Variants in CLCNKA observed in about 807,000 individuals in gnomAD.
CLCNKA encodes chloride voltage-gated channel Ka.
CLCNKA carries 66 observed loss-of-function variants against 83.3 expected under a neutral mutation model. The ratio of observed to expected loss-of-function variants is 0.79; its 90% CI spans 0.65 to 0.97. The LOEUF (loss-of-function observed/expected upper bound fraction) is 0.97. Ranked by LOEUF, CLCNKA falls within the 50% of genes least tolerant of loss-of-function variation. The pLI is 0.00. For missense variants in CLCNKA, 806 were observed against 888.7 expected, an observed-to-expected ratio of 0.91 and a Z score of 1.18; for synonymous variants, 357 against 370.4, an observed-to-expected ratio of 0.96 and a Z score of 0.42.
At position 16,030,572 on chromosome 1, in the gene CLCNKA, C is replaced by T; in HGVS notation, c.1520C>T (p.Ala507Val). ...HALPVLMAVL[A>V]ANAIAQSCQP... ...CTGCCCGTGCTGATGGCGGTGCTGG[C>T]AGCCAACGCCATTGCACAGAGCTGC... The change falls in exon 15 of 20, where the codon GCA becomes GTA. Residue 507 changes from alanine (A) to valine (V), a missense_variant. By Grantham distance (64) the Ala-to-Val change is moderately conservative. Coordinates refer to ENST00000331433, the MANE Select transcript of CLCNKA (RefSeq NM_004070.4). The T allele has an allele frequency of 1.9e-6, 3 of 1,613,080 alleles. No homozygotes were observed. The highest frequency in any genetic ancestry group is 2.5e-6 in the Non-Finnish European group (3 of 1,180,042).
At chr1:16,029,904 G>A (rs2124047522) in intron 13 of CLCNKA, 61 bp from the exon 14 acceptor site, 1 of 1,599,718 alleles carries the variant, frequency 6.3e-7, no homozygotes, top group South Asian at 1.1e-5. Context: ...TGGTCCTCAG[G>A]GATGGAGGGC....
Position 16,030,580 on chromosome 1 carries a change from G to A in CLCNKA, c.1528G>A (p.Ala510Thr), listed in dbSNP as rs376438381. 21 of 1,613,024 alleles carry A rather than the reference G, an allele frequency of 1.3e-5. No individual in the cohort carries two copies. The African/African-American group carries it at 2.1e-4, about 16-fold the overall frequency. Residue 510 changes from alanine to threonine, a missense_variant, in exon 15 of 20, where the codon GCC becomes ACC. By Grantham distance (58) the Ala-to-Thr change is moderately conservative (BLOSUM62 0). Transcript: ENST00000331433. ...PVLMAVLAAN[A>T]IAQSCQPSFY... ...GCTGATGGCGGTGCTGGCAGCCAAC[G>A]CCATTGCACAGAGCTGCCAGCCCTC...
At chr1:16,031,370 AT>A (rs1173544905) in intron 15 of CLCNKA, among the ~76,000 whole-genome samples, 1 of 152,156 alleles carries the variant, frequency 6.6e-6, no homozygotes, top group Non-Finnish European at 1.5e-5. Flanking sequence ...CTCATTATTC[AT>A]TAATGGATGG....
In CLCNKA at chr1:16,032,527, G is replaced by A. The variant is rs765691155; in HGVS notation, c.1929+1G>A. ...ATTCTCAGAGACCACCTTGCACCAGGTAACAAGTATTGGGGAGTGTGACAC... is the reference window on the plus strand; with the variant it reads ...ATTCTCAGAGACCACCTTGCACCAGATAACAAGTATTGGGGAGTGTGACAC... On this transcript the variant is annotated splice_donor_variant, in intron 18 of 19. Transcript: ENST00000331433. LOFTEE classifies it high-confidence loss of function. The A allele has an allele frequency of 1.2e-6, 2 of 1,611,268 alleles. No homozygotes were observed. Among genetic ancestry groups the A allele is most frequent in the East Asian group, 2.2e-5 (1 of 44,860 alleles).
chr1:16,029,535 A>G (rs1208911630), intron 12 of CLCNKA, among the ~76,000 whole-genome samples, 196 bp from the exon 13 acceptor site: 1 of 152,158 alleles, frequency 6.6e-6, no homozygotes, highest in Non-Finnish European at 1.5e-5. Context: ...AAAGGAATGT[A>G]CCTGGCACAG....
rs376284926 is a variant in CLCNKA at position 16,028,866 on chromosome 1, G to A, written c.1053+21G>A. 24 of 1,612,042 alleles carry A rather than the reference G, an allele frequency of 1.5e-5. No individual in the cohort carries two copies. The African/African-American group carries it at 2.8e-4, about 19-fold the overall frequency. ...CTCGGGTAAGGGGTCCTGAGCGGGG[G>A]TGGCAGGAGTGGGAACCCCCATTTG... On this transcript the variant is annotated intron_variant, in intron 11 of 19. Transcript: ENST00000331433.
At chr1:16,022,889 T>G (rs1333870638) in intron 2 of CLCNKA, among the ~76,000 whole-genome samples, 170 bp downstream of exon 2, 2 of 152,246 alleles carry the variant, frequency 1.3e-5, no homozygotes, top group Non-Finnish European at 2.9e-5. Context: ...TCTGTCCAGC[T>G]GTCTGTGGGT....
At chr1:16,026,077 C>A (rs546556665) in intron 4 of CLCNKA, 31 bp from the exon 5 acceptor site, 1 of 1,612,020 alleles carries the variant, frequency 6.2e-7, no homozygotes, top group African/African-American at 1.3e-5. Context: ...TAGAGATTGT[C>A]CCCTGCTTGT....
At chr1:16,030,742 G>T (rs2022590560) in intron 15 of CLCNKA, 68 bp downstream of exon 15, 1 of 1,597,936 alleles carries the variant, frequency 6.3e-7, no homozygotes, top group African/African-American at 1.3e-5. Context: ...GGGGTGGAGG[G>T]CACCTCCAAA....
intron 10 of CLCNKA, among the ~76,000 whole-genome samples, chr1:16,028,390 T>C (rs2022470974): frequency 6.8e-6 from 1 of 147,548 alleles, no homozygotes; most frequent in African/African-American, 2.5e-5. Flanking sequence ...CCTGTGCCCC[T>C]TCAAACCTTG....
intron 13 of CLCNKA, 50 bp downstream of exon 13, chr1:16,029,850 G>C: frequency 6.2e-7 from 1 of 1,611,456 alleles, no homozygotes; most frequent in African/African-American, 1.3e-5. Context: ...CTTGGGGCAG[G>C]GCCATGCATC....
At position 16,027,861 on chromosome 1, in the gene CLCNKA, C is replaced by A; in HGVS notation, c.822C>A (p.Asp274Glu). The A allele has an allele frequency of 6.2e-6, 10 of 1,613,196 alleles. No individual in the cohort carries two copies. The highest frequency in any genetic ancestry group is 3.3e-5 in the South Asian group (3 of 91,038). The change falls in exon 9 of 20, where the codon GAC becomes GAA. Residue 274 changes from aspartate to glutamate, a missense_variant. Transcript: ENST00000331433. ...TSLYKTSFRV[D>E]VPFDLPEIFF... ...TCTACAAGACCAGTTTCCGGGTGGA[C>A]GTTCCCTTCGACCTGCCTGAGATCT...
chr1:16,028,997 C>A (rs2022500110), intron 11 of CLCNKA, 129 bp from the exon 12 acceptor site: 2 of 1,517,542 alleles, frequency 1.3e-6, no homozygotes, highest in Non-Finnish European at 1.8e-6. Context: ...GAGGTCAGAG[C>A]CCTGCCCAAG....
chr1:16,025,888 G>A (rs2022325106), intron 4 of CLCNKA, among the ~76,000 whole-genome samples: 1 of 152,086 alleles, frequency 6.6e-6, no homozygotes, highest in Admixed American at 6.6e-5. Context: ...CCAAGTAGCT[G>A]GGACTGCAGG....
chr1:16,026,318 C>G, intron 5 of CLCNKA, 71 bp downstream of exon 5: 1 of 1,584,448 alleles, frequency 6.3e-7, no homozygotes, highest in African/African-American at 1.3e-5. Context: ...CCCCATACCC[C>G]ACCAAAGCTG....
intron 10 of CLCNKA, among the ~76,000 whole-genome samples, chr1:16,028,442 GC>G (rs2022472699): frequency 6.6e-6 from 1 of 152,038 alleles, no homozygotes; most frequent in Admixed American, 6.5e-5. Flanking sequence ...CAGCCCTCCT[GC>G]CCCGGAGATG....
intron 16 of CLCNKA, 134 bp from the exon 17 acceptor site, chr1:16,032,069 G>A: frequency 1.7e-6 from 2 of 1,167,526 alleles, no homozygotes; most frequent in Non-Finnish European, 2.5e-6. Flanking sequence ...GAGTCGGCTG[G>A]GTGCTTGTAA....
At chr1:16,030,793 G>T in intron 15 of CLCNKA, 119 bp downstream of exon 15, 1 of 1,380,362 alleles carries the variant, frequency 7.2e-7, no homozygotes, top group African/African-American at 1.4e-5. Flanking sequence ...TGGGGGCTGG[G>T]AGGGGCTGAC....
intron 19 of CLCNKA, 82 bp downstream of exon 19, chr1:16,033,338 G>T (rs1405976561): frequency 7.0e-6 from 10 of 1,438,058 alleles, no homozygotes; most frequent in Middle Eastern, 1.8e-4. Flanking sequence ...GGGGACACCA[G>T]CATGCTCCCA....
Sources: gnomAD v4.1 joint callset for allele counts (sites outside exome capture counted in the v4.1 genomes callset) on GRCh38, gnomAD v4.1.1 for gene constraint, MANE v1.5 for transcripts, NCBI Gene and HGNC (gene_info 2026-07-23, HGNC 2026-07-21) for gene names.